RASA3: variants seen among roughly 807,000 people sequenced by gnomAD.
The protein encoded by RASA3 is RAS p21 protein activator 3, also known as ras GTPase-activating protein 3.
RASA3 carries 73 observed loss-of-function variants against 110.0 expected under a neutral mutation model. The observed-to-expected ratio is 0.66, with a 90% CI of 0.55 to 0.81. The LOEUF is 0.81. Ranked by LOEUF, RASA3 falls within the 30% of genes least tolerant of loss-of-function variation. RASA3 has a pLI of 0.00. For synonymous variants in RASA3, 500 were observed against 451.4 expected, an observed-to-expected ratio of 1.11 and a Z score of -1.37; for missense variants, 976 against 1,113.2, an observed-to-expected ratio of 0.88 and a Z score of 1.75.
chr13:114,087,426 A>C (rs894678167), intron 1 of RASA3, among the ~76,000 whole-genome samples: 1 of 152,126 alleles, frequency 6.6e-6, no homozygotes, highest in Non-Finnish European at 1.5e-5. Context: ...TGGGCATAAA[A>C]CTCCTGAAGA....
At chr13:114,106,493 T>C (rs2080137290) in intron 1 of RASA3, among the ~76,000 whole-genome samples, 1 of 152,254 alleles carries the variant, frequency 6.6e-6, no homozygotes, top group Admixed American at 6.5e-5. Flanking sequence ...TCATTACGTG[T>C]AACAATAATG....
chr13:114,079,923 G>T lies in RASA3; in HGVS notation c.56-6086C>A, dbSNP rs2079754288. Among the ~76,000 whole-genome samples, 2 of 152,192 alleles carry T rather than the reference G, an allele frequency of 1.3e-5. 1 individual carries two copies. The highest frequency in any genetic ancestry group is 1.3e-4 in the Admixed American group (2 of 15,288). On this transcript the variant is annotated intron_variant, in intron 1 of 23. Coordinates refer to ENST00000334062, the MANE Select transcript of RASA3 (RefSeq NM_007368.4). Reference sequence around the variant, plus strand: ...AGGCCATAAGAGGAAGAGGCGGGGGGGCCCCGAGGCAGGGGACACAGCGTC... The same window carrying T: ...AGGCCATAAGAGGAAGAGGCGGGGGTGCCCCGAGGCAGGGGACACAGCGTC...
intron 1 of RASA3, among the ~76,000 whole-genome samples, chr13:114,131,731 C>G (rs912098688): frequency 6.6e-6 from 1 of 151,506 alleles, no homozygotes; most frequent in African/African-American, 2.4e-5. Flanking sequence ...TGCACACACA[C>G]AAACGCGCGC....
intron 1 of RASA3, among the ~76,000 whole-genome samples, chr13:114,123,124 C>T (rs2139794059): frequency 6.6e-6 from 1 of 152,302 alleles, no homozygotes; most frequent in Middle Eastern, 3.4e-3. Flanking sequence ...GCTCCTGGAG[C>T]CTCAGAGGAG....
chr13:114,018,008 C>G, intron 11 of RASA3, 96 bp downstream of exon 11: 1 of 1,347,176 alleles, frequency 7.4e-7, no homozygotes, highest in Non-Finnish European at 9.7e-7. Context: ...TGAATTCCCT[C>G]AAGCCCTGCC....
At chr13:114,023,332 G>A (rs1400688519) in intron 8 of RASA3, among the ~76,000 whole-genome samples, 2 of 151,930 alleles carry the variant, frequency 1.3e-5, no homozygotes, top group East Asian at 3.9e-4. Flanking sequence ...TCCCAGGCTC[G>A]GGGGCATCCC....
chr13:114,080,591 T>C (rs374878954), intron 1 of RASA3, among the ~76,000 whole-genome samples: 157 of 133,476 alleles, frequency 1.2e-3, no homozygotes, highest in African/African-American at 4.3e-3. Context: ...GGAGAATGAG[T>C]CTATGGTGAC....
chr13:114,003,331 G>A (rs1189230637), intron 18 of RASA3, among the ~76,000 whole-genome samples: 1 of 152,122 alleles, frequency 6.6e-6, no homozygotes, highest in Non-Finnish European at 1.5e-5. Context: ...TCTGGCTGGT[G>A]GCACCTGGGA....
chr13:114,005,054 T>G (rs778295411), intron 18 of RASA3, among the ~76,000 whole-genome samples: 7 of 152,078 alleles, frequency 4.6e-5, no homozygotes, highest in African/African-American at 1.7e-4. Flanking sequence ...CACTGGTCCA[T>G]AGGAGATAAA....
At chr13:114,091,210 C>A (rs187428330) in intron 1 of RASA3, among the ~76,000 whole-genome samples, 2 of 151,986 alleles carry the variant, frequency 1.3e-5, no homozygotes, top group Admixed American at 6.5e-5. Flanking sequence ...GGGTCTGGGG[C>A]CACATGGGTC....
At chr13:113,984,239 C>T (rs2139053877) in intron 22 of RASA3, among the ~76,000 whole-genome samples, 1 of 107,542 alleles carries the variant, frequency 9.3e-6, no homozygotes, top group East Asian at 3.2e-4. Flanking sequence ...TCTGTCCATC[C>T]ATCCATTACT....
chr13:114,021,840 AG>A (rs2053933704), intron 8 of RASA3, among the ~76,000 whole-genome samples: 2 of 151,688 alleles, frequency 1.3e-5, no homozygotes, highest in Admixed American at 1.3e-4. Context: ...CTTACATAGG[AG>A]GGAGCCTGGG....
chr13:114,098,847 A>G (rs1594451429), intron 1 of RASA3, among the ~76,000 whole-genome samples: 1 of 152,112 alleles, frequency 6.6e-6, no homozygotes, highest in South Asian at 2.1e-4. Context: ...TTTGGGCTAC[A>G]CTCTAACCTT....
At chr13:114,044,587 C>T (rs1319007330) in intron 3 of RASA3, among the ~76,000 whole-genome samples, 16 of 132,592 alleles carry the variant, frequency 1.2e-4, no homozygotes, top group Middle Eastern at 3.5e-3. Context: ...TTCAAGGGTC[C>T]GGAGTGGGGG....
At chr13:114,122,180 C>T (rs1270909866) in intron 1 of RASA3, among the ~76,000 whole-genome samples, 1 of 152,242 alleles carries the variant, frequency 6.6e-6, no homozygotes, top group Non-Finnish European at 1.5e-5. Context: ...CCTTCAGGGC[C>T]CCTCCGCGGT....
chr13:114,077,996 A>G (rs1267750219), intron 1 of RASA3: 1 of 980,914 alleles, frequency 1.0e-6, no homozygotes, highest in Non-Finnish European at 1.2e-6. Flanking sequence ...GAAACAGAAA[A>G]AAAAAAAAAA....
chr13:114,061,933 G>A (rs373300851), intron 2 of RASA3, among the ~76,000 whole-genome samples: 7 of 152,258 alleles, frequency 4.6e-5, no homozygotes, highest in South Asian at 4.1e-4. Context: ...GGGGTTGGGC[G>A]GGGAGGACGG....
intron 2 of RASA3, among the ~76,000 whole-genome samples, chr13:114,053,072 TG>T (rs1248113287): frequency 6.9e-6 from 1 of 145,482 alleles, no homozygotes; most frequent in African/African-American, 2.6e-5. Context: ...CTGCTGACTG[TG>T]CTTAGAGTCC....
chr13:114,039,094 G>A (rs935917633), intron 4 of RASA3, among the ~76,000 whole-genome samples: 3 of 152,218 alleles, frequency 2.0e-5, no homozygotes, highest in Non-Finnish European at 4.4e-5. Flanking sequence ...GCAACAATCC[G>A]ATGAGGGAGC....
Sources: gnomAD v4.1 joint callset for allele counts (sites outside exome capture counted in the v4.1 genomes callset) on GRCh38, gnomAD v4.1.1 for gene constraint, MANE v1.5 for transcripts, NCBI Gene and HGNC (gene_info 2026-07-23, HGNC 2026-07-21) for gene names.